Variants in ULK4 observed in about 807,000 individuals in gnomAD.
ULK4 encodes unc-51 like kinase 4.
In ULK4, 133 loss-of-function variants were observed where a neutral mutation model predicts 160.6. That is an observed-to-expected ratio of 0.83 (90% CI 0.72 to 0.96). ULK4 has a LOEUF of 0.96. Ranked by LOEUF, ULK4 falls within the 40% of genes least tolerant of loss-of-function variation. ULK4 has a pLI of 0.00. For missense variants in ULK4, 1,580 were observed against 1,499.5 expected, an observed-to-expected ratio of 1.05 and a Z score of -0.89; for synonymous variants, 534 against 539.8, an observed-to-expected ratio of 0.99 and a Z score of 0.15.
chr3:41,313,153 AAG>A (rs2080082629), intron 35 of ULK4, among the ~76,000 whole-genome samples: 1 of 152,302 alleles, frequency 6.6e-6, no homozygotes, highest in African/African-American at 2.4e-5. Flanking sequence ...GAGGAATGAA[AAG>A]AGGGGAATAG....
intron 21 of ULK4, chr3:41,766,560 A>G (rs2039168379): frequency 6.6e-6 from 1 of 152,278 alleles, no homozygotes; most frequent in Non-Finnish European, 1.5e-5. Context: ...AGGTATCCAC[A>G]GAATATCACT....
At chr3:41,624,928 T>C (rs2033428404) in intron 30 of ULK4, among the ~76,000 whole-genome samples, 1 of 152,190 alleles carries the variant, frequency 6.6e-6, no homozygotes, top group African/African-American at 2.4e-5. Context: ...GACATCAAGG[T>C]GGACTTTCTA....
At chr3:41,358,302 T>C (rs1024505839) in intron 35 of ULK4, among the ~76,000 whole-genome samples, 15 of 152,178 alleles carry the variant, frequency 9.9e-5, no homozygotes, top group African/African-American at 3.6e-4. Flanking sequence ...GCAATGAGGA[T>C]AAGAATGTAC....
At chr3:41,746,892 A>G (rs1213501488) in intron 22 of ULK4, among the ~76,000 whole-genome samples, 3 of 152,008 alleles carry the variant, frequency 2.0e-5, no homozygotes, top group Non-Finnish European at 4.4e-5. Context: ...AAGCAACTGA[A>G]TGCAGGAAAG....
intron 30 of ULK4, among the ~76,000 whole-genome samples, chr3:41,656,558 G>A (rs2034943807): frequency 6.6e-6 from 1 of 152,160 alleles, no homozygotes; most frequent in African/African-American, 2.4e-5. Context: ...TTCAGTAGTT[G>A]CTGATTAAGA....
At chr3:41,896,419 T>A (rs1698159395) in intron 15 of ULK4, among the ~76,000 whole-genome samples, 1 of 152,134 alleles carries the variant, frequency 6.6e-6, no homozygotes, top group Admixed American at 6.5e-5. Flanking sequence ...CACACCCAGC[T>A]AATTTTGTAC....
At position 41,504,622 on chromosome 3, in the gene ULK4, A is replaced by G. The variant is rs2085317262; in HGVS notation, c.3227-41369T>C. 3.3e-5 allele frequency among the ~76,000 whole-genome samples: 5 copies of G among 152,274 alleles called. No homozygotes were observed. In the South Asian group the frequency reaches 1.0e-3, roughly 32 times the overall value. The stretch of plus-strand genomic sequence containing the variant: ...ATCTATAACCTAAATGCAACTAATC[A>G]TATGTTTAATTTTATATAATAGCTT... On this transcript the variant is annotated intron_variant, in intron 32 of 36. Coordinates refer to ENST00000301831, the MANE Select transcript of ULK4 (RefSeq NM_017886.4).
At chr3:41,874,907 C>T (rs1232478907) in intron 17 of ULK4, among the ~76,000 whole-genome samples, 1 of 152,192 alleles carries the variant, frequency 6.6e-6, no homozygotes, top group Admixed American at 6.5e-5. Context: ...GGTGCAGTAG[C>T]TCATGCCTGT....
intron 35 of ULK4, among the ~76,000 whole-genome samples, chr3:41,379,588 T>A (rs1271163685): frequency 6.6e-6 from 1 of 152,188 alleles, no homozygotes; most frequent in Non-Finnish European, 1.5e-5. Flanking sequence ...CTGCCTAAAA[T>A]GCCAATGAGA....
At chr3:41,700,914 T>C (rs990342659) in intron 27 of ULK4, among the ~76,000 whole-genome samples, 5 of 152,036 alleles carry the variant, frequency 3.3e-5, no homozygotes, top group Admixed American at 1.3e-4. Flanking sequence ...GCAGAATTTC[T>C]AGCAATGACA....
chr3:41,761,297 T>C (rs2038975412), intron 21 of ULK4, among the ~76,000 whole-genome samples: 1 of 144,710 alleles, frequency 6.9e-6, no homozygotes, highest in African/African-American at 2.7e-5. Flanking sequence ...ATATATAATA[T>C]ACACATAAAA....
intron 32 of ULK4, among the ~76,000 whole-genome samples, chr3:41,545,554 A>C (rs2086831099): frequency 6.6e-6 from 1 of 152,120 alleles, no homozygotes; most frequent in South Asian, 2.1e-4. Flanking sequence ...GAATATTTTT[A>C]AGATTTTACC....
At chr3:41,571,387 A>C (rs185182723) in intron 31 of ULK4, among the ~76,000 whole-genome samples, 45 of 152,332 alleles carry the variant, frequency 3.0e-4, no homozygotes, top group Non-Finnish European at 5.7e-4. Flanking sequence ...AATTAAGCAT[A>C]CTTCTATTAA....
At chr3:41,512,258 T>C (rs1025697228) in intron 32 of ULK4, among the ~76,000 whole-genome samples, 1 of 152,182 alleles carries the variant, frequency 6.6e-6, no homozygotes, top group African/African-American at 2.4e-5. Context: ...CTATTCAACA[T>C]AGTAGAAGTT....
At chr3:41,499,573 T>G (rs1294606142) in intron 32 of ULK4, among the ~76,000 whole-genome samples, 1 of 152,200 alleles carries the variant, frequency 6.6e-6, no homozygotes, top group Non-Finnish European at 1.5e-5. Flanking sequence ...GGATGGGAGA[T>G]TAAACCTTCA....
intron 2 of ULK4, among the ~76,000 whole-genome samples, chr3:41,939,547 T>C (rs1435862249): frequency 2.4e-5 from 1 of 42,062 alleles, no homozygotes; most frequent in Non-Finnish European, 3.1e-4. Flanking sequence ...TACAGTGAAC[T>C]TGTATTATTT....
At chr3:41,392,952 T>C (rs1216138598) in intron 35 of ULK4, among the ~76,000 whole-genome samples, 1 of 152,176 alleles carries the variant, frequency 6.6e-6, no homozygotes, top group African/African-American at 2.4e-5. Context: ...GTTCCTTATA[T>C]CACTCAAGCT....
At chr3:41,715,364 T>C in intron 24 of ULK4, 71 bp from the exon 25 acceptor site, 1 of 1,604,980 alleles carries the variant, frequency 6.2e-7, no homozygotes, top group Non-Finnish European at 8.5e-7. Flanking sequence ...AAAAAAAAAA[T>C]GTTTTGAGTT....
At chr3:41,503,033 A>C (rs964268934) in intron 32 of ULK4, among the ~76,000 whole-genome samples, 2 of 152,220 alleles carry the variant, frequency 1.3e-5, no homozygotes, top group African/African-American at 4.8e-5. Flanking sequence ...TAAGGAAAAA[A>C]AAATGTACTT....
Sources: allele counts gnomAD v4.1 joint callset (sites outside exome capture counted in the v4.1 genomes callset), GRCh38; gene constraint gnomAD v4.1.1; transcripts MANE v1.5; gene names NCBI Gene and HGNC (gene_info 2026-07-23, HGNC 2026-07-21).